AGBL4: variants seen among roughly 807,000 people sequenced by gnomAD.
The protein encoded by AGBL4 is cytosolic carboxypeptidase 6.
AGBL4 carries 58 observed loss-of-function variants against 66.4 expected under a neutral mutation model. The ratio of observed to expected loss-of-function variants is 0.87; its 90% confidence interval spans 0.71 to 1.09. The LOEUF (loss-of-function observed/expected upper bound fraction) is 1.09, where lower values mean the gene tolerates loss of function less well. Among genes scored for constraint, AGBL4 ranks in the 50% least tolerant of loss-of-function variants. The pLI is 0.00. For missense variants in AGBL4, 579 were observed against 631.0 expected, an observed-to-expected ratio of 0.92 and a Z score of 0.88; for synonymous variants, 234 against 222.9, an observed-to-expected ratio of 1.05 and a Z score of -0.44.
chr1:48,761,755 T>C (rs1258885641), intron 6 of AGBL4, among the ~76,000 whole-genome samples: 1 of 152,164 alleles, frequency 6.6e-6, no homozygotes, highest in Non-Finnish European at 1.5e-5. Context: ...AAGGGTGGCC[T>C]TTTATGGAAT....
intron 11 of AGBL4, among the ~76,000 whole-genome samples, chr1:48,561,867 C>T (rs1644401844): frequency 6.6e-6 from 1 of 152,172 alleles, no homozygotes; most frequent in South Asian, 2.1e-4. Context: ...GACTTCAGCT[C>T]ATTGACTGCA....
intron 4 of AGBL4, among the ~76,000 whole-genome samples, chr1:49,217,414 C>A (rs1472562597): frequency 2.6e-5 from 4 of 152,018 alleles, no homozygotes; most frequent in Non-Finnish European, 4.4e-5. Flanking sequence ...TTCCCATTTT[C>A]TTTTTATCTT....
chr1:49,842,430 C>A, intron 2 of AGBL4: 3 of 835,116 alleles, frequency 3.6e-6, no homozygotes, highest in African/African-American at 1.8e-5. Context: ...CCTGTCCATG[C>A]TTGCTCCCTG....
At chr1:49,374,565 G>A (rs1236029610) in intron 3 of AGBL4, among the ~76,000 whole-genome samples, 1 of 152,070 alleles carries the variant, frequency 6.6e-6, no homozygotes, top group Non-Finnish European at 1.5e-5. Flanking sequence ...CACAGGAGAG[G>A]ATACACCTAT....
intron 9 of AGBL4, among the ~76,000 whole-genome samples, chr1:48,596,143 T>C (rs1644991173): frequency 6.6e-6 from 1 of 152,062 alleles, no homozygotes; most frequent in Non-Finnish European, 1.5e-5. Flanking sequence ...GGCTATAAAC[T>C]CTCCATGTCC....
intron 3 of AGBL4, among the ~76,000 whole-genome samples, chr1:49,594,581 T>A (rs933834900): frequency 5.9e-5 from 9 of 152,204 alleles, no homozygotes; most frequent in African/African-American, 2.2e-4. Flanking sequence ...GTGTCCTCAC[T>A]GTCCAACTCC....
At chr1:49,960,084 G>C (rs1656994920) in intron 1 of AGBL4, among the ~76,000 whole-genome samples, 1 of 151,864 alleles carries the variant, frequency 6.6e-6, no homozygotes, top group Non-Finnish European at 1.5e-5. Flanking sequence ...TATTACCATG[G>C]TGCTGAAATT....
intron 4 of AGBL4, among the ~76,000 whole-genome samples, chr1:49,119,421 G>C (rs1331865079): frequency 6.6e-6 from 1 of 152,144 alleles, no homozygotes; most frequent in African/African-American, 2.4e-5. Flanking sequence ...TGGTTTCAAA[G>C]AACATCTTTA....
intron 4 of AGBL4, among the ~76,000 whole-genome samples, chr1:49,133,912 T>C (rs773475867): frequency 1.3e-5 from 2 of 152,066 alleles, no homozygotes; most frequent in Non-Finnish European, 2.9e-5. Context: ...TATGTATATA[T>C]GTGTATATTC....
chr1:48,714,973 A>G (rs1647026322), intron 6 of AGBL4, among the ~76,000 whole-genome samples: 1 of 152,252 alleles, frequency 6.6e-6, no homozygotes, highest in Non-Finnish European at 1.5e-5. Flanking sequence ...GGAATGAGAC[A>G]GTATTCAGAT....
chr1:49,132,879 C>G (rs1406627713), intron 4 of AGBL4, among the ~76,000 whole-genome samples: 1 of 152,110 alleles, frequency 6.6e-6, no homozygotes, highest in Non-Finnish European at 1.5e-5. Context: ...CCCAGCAATC[C>G]CATTACTGGG....
chr1:49,401,292 A>T (rs1645080458), intron 3 of AGBL4, among the ~76,000 whole-genome samples: 1 of 152,172 alleles, frequency 6.6e-6, no homozygotes, highest in African/African-American at 2.4e-5. Context: ...TCATGAGAAC[A>T]GTATGGGAGA....
chr1:49,406,296 A>T (rs535480722), intron 3 of AGBL4, among the ~76,000 whole-genome samples: 1 of 152,226 alleles, frequency 6.6e-6, no homozygotes, highest in Middle Eastern at 3.2e-3. Context: ...AGCCCTCAAT[A>T]AAAATTTAAA....
intron 1 of AGBL4, among the ~76,000 whole-genome samples, chr1:49,944,810 AC>A (rs1306638676): frequency 1.4e-4 from 21 of 152,074 alleles, no homozygotes; most frequent in Admixed American, 7.9e-4. Flanking sequence ...ACCAAAAAAA[AC>A]AATCATACAA....
At chr1:49,120,694 C>A (rs1036801833) in intron 4 of AGBL4, among the ~76,000 whole-genome samples, 1 of 152,094 alleles carries the variant, frequency 6.6e-6, no homozygotes, top group African/African-American at 2.4e-5. Flanking sequence ...TGGGGTTGCT[C>A]TTCTCAAGGA....
At chr1:49,994,677 C>G (rs901781228) in intron 1 of AGBL4, 2 of 158,232 alleles carry the variant, frequency 1.3e-5, no homozygotes, top group Non-Finnish European at 2.8e-5. Flanking sequence ...CCACTCAGAG[C>G]AGCATATGGA....
At chr1:49,262,004 C>T (rs1467430347) in intron 3 of AGBL4, among the ~76,000 whole-genome samples, 10 of 151,466 alleles carry the variant, frequency 6.6e-5, no homozygotes, top group African/African-American at 2.4e-4. Context: ...GAAATAACGC[C>T]GCATATCTAC....
At chr1:49,160,071 G>A (rs943690640) in intron 4 of AGBL4, among the ~76,000 whole-genome samples, 1 of 152,144 alleles carries the variant, frequency 6.6e-6, no homozygotes, top group South Asian at 2.1e-4. Flanking sequence ...CTGTCAATTT[G>A]TCAAACACAT....
intron 2 of AGBL4, among the ~76,000 whole-genome samples, chr1:49,797,483 G>C (rs1644758606): frequency 6.6e-6 from 1 of 152,166 alleles, no homozygotes. Context: ...GCCCAGGCTA[G>C]AGTGGAGTGG....
Sources: gnomAD v4.1 joint callset for allele counts (sites outside exome capture counted in the v4.1 genomes callset) on GRCh38, gnomAD v4.1.1 for gene constraint, MANE v1.5 for transcripts, NCBI Gene and HGNC (gene_info 2026-07-23, HGNC 2026-07-21) for gene names.